Variants in PSMD13 observed in about 807,000 individuals in gnomAD.
The protein encoded by PSMD13 is 26S proteasome non-ATPase regulatory subunit 13.
A neutral mutation model predicts 57.4 loss-of-function variants in PSMD13; 8 were observed. That is an observed-to-expected ratio of 0.14 (90% confidence interval 0.08 to 0.25). The LOEUF (loss-of-function observed/expected upper bound fraction) is 0.25. Among genes scored for constraint, PSMD13 ranks in the 10% least tolerant of loss-of-function variants. The pLI is 1.00. For synonymous variants in PSMD13, 193 were observed against 168.2 expected (o/e 1.15, Z -1.14); for missense variants, 400 against 461.5 (o/e 0.87, Z 1.22).
Position 237,064 on chromosome 11 carries a change from G to T in PSMD13, c.15G>T (p.Pro5=). The T allele has an allele frequency of 6.2e-7, 1 of 1,613,848 alleles. No homozygotes were observed. Among genetic ancestry groups the T allele is most frequent in the Non-Finnish European group, 8.5e-7 (1 of 1,179,800 alleles). ...TTCCTGCTGTCATGAAGGACGTACC[G>T]GGCTTCCTACAGCAGAGCCAGAACT... MKDV[P]GFLQQSQNSG... is the part of the protein sequence containing the mutation. The change falls in exon 1 of 13, where the codon CCG becomes CCT. Residue 5 remains proline (P), a synonymous_variant. Transcript: ENST00000532097.
chr11:247,638 C>T (rs1859679958), intron 7 of PSMD13, 190 bp downstream of exon 7: 2 of 511,810 alleles, frequency 3.9e-6, no homozygotes, highest in South Asian at 5.2e-5. Flanking sequence ...TCGAGACCAG[C>T]CTGGCCAACA....
Position 248,291 on chromosome 11 carries a change from G to A in PSMD13, c.569-485G>A, listed in dbSNP as rs139186613. The A allele has an allele frequency of 6.3e-3, 990 of 157,576 alleles. 1 individual carries two copies. Among genetic ancestry groups the A allele is most frequent in the Non-Finnish European group, 0.011 (750 of 71,128 alleles). 9.8% of individuals were successfully genotyped at this position (157,576 alleles called of 1,614,324 possible). A position where few individuals can be genotyped will look rare whatever the true frequency, so the allele number is the denominator to read the frequency against. On this transcript the variant is annotated intron_variant, in intron 7 of 12. Transcript: ENST00000532097. ...TAGATGTTTCTCACAAAACACTGTT[G>A]AAGCTAAGGAGACCAGCAACTCTTA... is the stretch of plus-strand genomic sequence containing the variant.
In PSMD13 at chr11:240,101, CTTTTTTTTTTTTTT is replaced by C. The variant is rs60869932; in HGVS notation, c.174+1039_174+1052del. On this transcript the variant is annotated intron_variant, in intron 2 of 12. Coordinates refer to ENST00000532097, the MANE Select transcript of PSMD13 (RefSeq NM_002817.4). ...GTGGGAAAATGATAAATGAGACCTG[CTTTTTTTTTTTTTT>C]TTTTTTTTTTTTTGACGGAGTTTCG... 2.9e-3 allele frequency among the ~76,000 whole-genome samples: 150 copies of C among 51,438 alleles called. 4 individuals are homozygous for C. Among genetic ancestry groups the C allele is most frequent in the African/African-American group, 0.01 (139 of 13,604 alleles). 33.7% of individuals were successfully genotyped at this position (51,438 alleles called of 152,430 possible).
chr11:247,644 C>A (rs934266491), intron 7 of PSMD13, 196 bp downstream of exon 7: 1 of 488,414 alleles, frequency 2.0e-6, no homozygotes, highest in African/African-American at 2.0e-5. Flanking sequence ...CCAGCCTGGC[C>A]AACATGGTGA....
In PSMD13 at chr11:247,196, A is replaced by G. The variant is rs556353790; in HGVS notation, c.397-81A>G. 1.1e-5 allele frequency: 16 copies of G among 1,414,044 alleles called. No homozygotes were observed. In the South Asian group the frequency reaches 1.9e-4, roughly 17 times the overall value. 87.6% of individuals were successfully genotyped at this position (1,414,044 alleles called of 1,614,324 possible). A position where few individuals can be genotyped will look rare whatever the true frequency, so the allele number is the denominator to read the frequency against. ...CCAGGAGTTCAAGACCACCCTAGGC[A>G]ACAGAGTGAGACCCTGTCTCTAAAA... On this transcript the variant is annotated intron_variant, in intron 6 of 12. Coordinates refer to ENST00000532097, the MANE Select transcript of PSMD13 (RefSeq NM_002817.4).
intron 9 of PSMD13, among the ~76,000 whole-genome samples, chr11:249,959 CTG>C (rs532825268): frequency 1.9e-4 from 29 of 152,012 alleles, no homozygotes; most frequent in African/African-American, 7.0e-4. Flanking sequence ...CCAGACCTAA[CTG>C]TGGTCTGATT....
intron 9 of PSMD13, among the ~76,000 whole-genome samples, 177 bp downstream of exon 9, chr11:249,234 A>T (rs1382623361): frequency 6.6e-6 from 1 of 152,162 alleles, no homozygotes; most frequent in Non-Finnish European, 1.5e-5. Context: ...TAGCTACAGC[A>T]TTACTCAGTG....
intron 1 of PSMD13, among the ~76,000 whole-genome samples, chr11:238,558 C>T (rs1191488234): frequency 1.3e-5 from 2 of 152,130 alleles, no homozygotes; most frequent in Non-Finnish European, 2.9e-5. Flanking sequence ...GTAATCCCTG[C>T]TACTCGGGAG....
chr11:249,416 C>T (rs547845997), intron 9 of PSMD13, among the ~76,000 whole-genome samples: 1 of 151,782 alleles, frequency 6.6e-6, no homozygotes, highest in Non-Finnish European at 1.5e-5. Context: ...GCGGAGAAAA[C>T]GGAAAAGTTT....
intron 7 of PSMD13, 124 bp downstream of exon 7, chr11:247,572 C>T (rs1036332138): frequency 1.8e-6 from 2 of 1,099,068 alleles, no homozygotes; most frequent in Non-Finnish European, 2.6e-6. Flanking sequence ...TGGCTCACGC[C>T]TGTAATCCCA....
rs778371956 is a variant in PSMD13 at position 238,989 on chromosome 11, G to GT, written c.96-4dup. On this transcript the variant is annotated splice_polypyrimidine_tract_variant and intron_variant, in intron 1 of 12. Coordinates refer to ENST00000532097, the MANE Select transcript of PSMD13 (RefSeq NM_002817.4). ...AGGTTAGAGGTCTTAAGGGCTGTAT[G>GT]TTTTTCAGGTTGTGGCATCAGCTGA... The GT allele has an allele frequency of 1.2e-5, 19 of 1,613,708 alleles. No homozygotes were observed. In the African/African-American group the frequency reaches 2.0e-4, roughly 17 times the overall value.
At position 251,474 on chromosome 11, in the gene PSMD13, C is replaced by G. The variant is rs976683817; in HGVS notation, c.838-72C>G. On this transcript the variant is annotated intron_variant, in intron 10 of 12. Coordinates refer to ENST00000532097, the MANE Select transcript of PSMD13 (RefSeq NM_002817.4). The surrounding 1 kb of genome is among the most constrained non-coding windows in gnomAD (Gnocchi z 4.6). ...TCTCTATTTTCAGAGCCAATATTGA[C>G]AAAACATCCTTATCAGTTCTCTATT... 8.9e-6 allele frequency: 12 copies of G among 1,346,790 alleles called. No homozygotes were observed. Among genetic ancestry groups the G allele is most frequent in the Non-Finnish European group, 1.2e-5 (12 of 967,524 alleles). 83.4% of individuals were successfully genotyped at this position (1,346,790 alleles called of 1,614,324 possible). A position where few individuals can be genotyped will look rare whatever the true frequency, so the allele number is the denominator to read the frequency against.
At chr11:239,727 C>G (rs1441890333) in intron 2 of PSMD13, among the ~76,000 whole-genome samples, 1 of 152,112 alleles carries the variant, frequency 6.6e-6, no homozygotes, top group African/African-American at 2.4e-5. Context: ...TCTTTCCCAG[C>G]CTTCCCCAGA....
intron 2 of PSMD13, among the ~76,000 whole-genome samples, chr11:241,295 C>T (rs1859508466): frequency 6.6e-6 from 1 of 152,034 alleles, no homozygotes; most frequent in Non-Finnish European, 1.5e-5. Flanking sequence ...TGTGCCACCA[C>T]ACCTGGCTAA....
At chr11:248,697 T>C in intron 7 of PSMD13, 79 bp from the exon 8 acceptor site, 1 of 1,369,196 alleles carries the variant, frequency 7.3e-7, no homozygotes, top group Non-Finnish European at 1.0e-6. Flanking sequence ...TTTTTACTTT[T>C]TGTTATATGA....
At position 251,175 on chromosome 11, in the gene PSMD13, C is replaced by T. The variant is rs371112989; in HGVS notation, c.837+310C>T. The T allele has an allele frequency of 2.4e-5, 11 of 461,198 alleles. No homozygotes were observed. Among genetic ancestry groups the T allele is most frequent in the African/African-American group, 1.7e-4 (9 of 51,530 alleles). 28.6% of individuals were successfully genotyped at this position (461,198 alleles called of 1,614,324 possible). On this transcript the variant is annotated intron_variant, in intron 10 of 12. Coordinates refer to ENST00000532097, the MANE Select transcript of PSMD13 (RefSeq NM_002817.4). The surrounding 1 kb of genome is among the most constrained non-coding windows in gnomAD (Gnocchi z 4.6). ...GCAGTTGTTGCCTCATTGCATGTCG[C>T]TTCTTGTGTACACGCACATCTGTCT...
chr11:251,164 A>G lies in PSMD13; in HGVS notation c.837+299A>G. 1 of 464,484 alleles carries G rather than the reference A, an allele frequency of 2.2e-6. No homozygotes were observed. Among genetic ancestry groups the G allele is most frequent in the East Asian group, 3.8e-5 (1 of 26,036 alleles). 28.8% of individuals were successfully genotyped at this position (464,484 alleles called of 1,614,324 possible). ...CTCCCCGTGATGCAGTTGTTGCCTCATTGCATGTCGCTTCTTGTGTACACG... is the reference window on the plus strand; with the variant it reads ...CTCCCCGTGATGCAGTTGTTGCCTCGTTGCATGTCGCTTCTTGTGTACACG... On this transcript the variant is annotated intron_variant, in intron 10 of 12. Coordinates refer to ENST00000532097, the MANE Select transcript of PSMD13 (RefSeq NM_002817.4). The surrounding 1 kb of genome is among the most constrained non-coding windows in gnomAD (Gnocchi z 4.6).
At chr11:246,361 G>T (rs899696791) in intron 6 of PSMD13, among the ~76,000 whole-genome samples, 2 of 152,098 alleles carry the variant, frequency 1.3e-5, no homozygotes, top group Non-Finnish European at 2.9e-5. Context: ...AATTAGCCGG[G>T]CATGGTGGCG....
chr11:249,398 T>C (rs1024596469), intron 9 of PSMD13, among the ~76,000 whole-genome samples: 1 of 151,344 alleles, frequency 6.6e-6, no homozygotes, highest in Non-Finnish European at 1.5e-5. Context: ...ACGGGAAGAG[T>C]GCACTCAGCG....
Sources: gnomAD v4.1 joint callset for allele counts (sites outside exome capture counted in the v4.1 genomes callset) on GRCh38, gnomAD v4.1.1 for gene constraint, Gnocchi (gnomAD v3.1) non-coding constraint, MANE v1.5 for transcripts, NCBI Gene and HGNC (gene_info 2026-07-23, HGNC 2026-07-21) for gene names.